Variants in SCAI observed in about 807,000 individuals in gnomAD.
The protein encoded by SCAI is protein SCAI.
Under a neutral mutation model 92.2 loss-of-function variants are expected in SCAI, and 24 were observed. That is an observed-to-expected ratio of 0.26 (90% CI 0.19 to 0.37). The LOEUF is 0.37. SCAI is among the 10% of genes least tolerant of loss of function. The pLI is 1.00. For synonymous variants in SCAI, 261 were observed against 258.6 expected, an observed-to-expected ratio of 1.01 and a Z score of -0.09; for missense variants, 450 against 736.2, an observed-to-expected ratio of 0.61 and a Z score of 4.50.
intron 2 of SCAI, among the ~76,000 whole-genome samples, chr9:125,095,325 C>A (rs1392383999): frequency 1.3e-5 from 2 of 152,220 alleles, no homozygotes; most frequent in African/African-American, 2.4e-5. Flanking sequence ...AGGAGTTGAA[C>A]AGAAGAGCAC....
intron 6 of SCAI, among the ~76,000 whole-genome samples, chr9:125,021,403 T>C (rs1370664945): frequency 6.6e-6 from 1 of 152,212 alleles, no homozygotes; most frequent in African/African-American, 2.4e-5. Flanking sequence ...GTTGTTCCTG[T>C]TGTGCTTTCT....
intron 2 of SCAI, among the ~76,000 whole-genome samples, chr9:125,092,985 C>T (rs1197518332): frequency 6.6e-6 from 1 of 152,202 alleles, no homozygotes; most frequent in Non-Finnish European, 1.5e-5. Flanking sequence ...AATTATCAGT[C>T]TTCATCTTAT....
intron 3 of SCAI, among the ~76,000 whole-genome samples, chr9:125,030,578 G>A (rs1321170214): frequency 1.3e-5 from 2 of 152,176 alleles, no homozygotes; most frequent in African/African-American, 2.4e-5. Flanking sequence ...ATAGGAGTAC[G>A]TTATTGCCAT....
chr9:124,991,141 T>C (rs1246315388), intron 14 of SCAI, among the ~76,000 whole-genome samples: 1 of 151,874 alleles, frequency 6.6e-6, no homozygotes, highest in Non-Finnish European at 1.5e-5. Flanking sequence ...TCACCTGAGG[T>C]TGGGAGTTCG....
At chr9:125,040,223 G>A (rs923044505) in intron 3 of SCAI, among the ~76,000 whole-genome samples, 4 of 152,112 alleles carry the variant, frequency 2.6e-5, no homozygotes, top group Admixed American at 6.5e-5. Context: ...CAAGTGTGGT[G>A]GCAGGTGCCT....
rs1244208972 is a variant in SCAI at position 124,971,482 on chromosome 9, AG to A, written c.1574-13del. The A allele has an allele frequency of 2.5e-6, 4 of 1,583,824 alleles. No homozygotes were observed. The African/African-American group carries it at 4.1e-5, about 16-fold the overall frequency. On this transcript the variant is annotated splice_polypyrimidine_tract_variant and intron_variant, in intron 16 of 17. Coordinates refer to ENST00000336505, the MANE Select transcript of SCAI (RefSeq NM_001144877.3). ...GAGAAATGCCTGATCTGCAAAGAGGAGAAAAGTGACAGTAAAAAGATGCTTA... is the reference window on the plus strand; with the variant it reads ...GAGAAATGCCTGATCTGCAAAGAGGAAAAAGTGACAGTAAAAAGATGCTTA...
intron 14 of SCAI, among the ~76,000 whole-genome samples, chr9:124,983,301 A>G (rs1831924403): frequency 6.6e-6 from 1 of 152,182 alleles, no homozygotes; most frequent in African/African-American, 2.4e-5. Flanking sequence ...ACAGTAAACA[A>G]AACAGAAAAA....
At chr9:125,001,395 T>A (rs1388440329) in intron 12 of SCAI, among the ~76,000 whole-genome samples, 2 of 152,258 alleles carry the variant, frequency 1.3e-5, no homozygotes, top group Non-Finnish European at 2.9e-5. Context: ...TGGACTGGTA[T>A]GTTCTGGACA....
chr9:125,058,557 G>A (rs149033748), intron 2 of SCAI, among the ~76,000 whole-genome samples: 29 of 152,244 alleles, frequency 1.9e-4, no homozygotes, highest in African/African-American at 6.0e-4. Flanking sequence ...ATGGATTTCT[G>A]AAGACATGGA....
Position 125,015,681 on chromosome 9 carries a change from T to C in SCAI, c.861+3118A>G, listed in dbSNP as rs558484642. ...TTGACCCAGCCATCCCATTACTGGG[T>C]ATATACCCAATGGACTATAAATCAT... On this transcript the variant is annotated intron_variant, in intron 9 of 17. Coordinates refer to ENST00000336505, the MANE Select transcript of SCAI (RefSeq NM_001144877.3). Among the ~76,000 whole-genome samples, 1,395 of 152,242 alleles carry C rather than the reference T, an allele frequency of 9.2e-3. 13 individuals are homozygous for C. Among genetic ancestry groups the C allele is most frequent in the East Asian group, 0.035 (180 of 5,174 alleles).
chr9:125,094,115 C>A (rs978867646), intron 2 of SCAI, among the ~76,000 whole-genome samples: 5 of 152,178 alleles, frequency 3.3e-5, no homozygotes, highest in Admixed American at 2.0e-4. Flanking sequence ...ACAAGATGAT[C>A]TTTTAAAATA....
intron 3 of SCAI, among the ~76,000 whole-genome samples, chr9:125,032,677 G>A (rs1588165177): frequency 1.3e-5 from 2 of 149,038 alleles, no homozygotes; most frequent in Admixed American, 6.7e-5. Flanking sequence ...GCAGTGGCGC[G>A]ACCTCAGCTC....
intron 2 of SCAI, among the ~76,000 whole-genome samples, chr9:125,098,038 C>CATATATATATATGTGTATATACACAT (rs201392867): frequency 6.6e-6 from 1 of 150,518 alleles, no homozygotes; most frequent in Non-Finnish European, 1.5e-5. Context: ...TATACACACA[C>CATATATATATATGTGTATATACACAT]ATATATATAT....
chr9:125,016,891 C>T (rs1232690921), intron 9 of SCAI, among the ~76,000 whole-genome samples: 1 of 152,128 alleles, frequency 6.6e-6, no homozygotes, highest in East Asian at 1.9e-4. Context: ...GACTTCTGTT[C>T]ACTGGAATCT....
At chr9:125,123,559 G>T (rs1164516914) in intron 2 of SCAI, among the ~76,000 whole-genome samples, 5 of 152,148 alleles carry the variant, frequency 3.3e-5, no homozygotes, top group African/African-American at 1.2e-4. Context: ...GGTGGATCAC[G>T]AGGTCAGGAG....
intron 3 of SCAI, among the ~76,000 whole-genome samples, chr9:125,031,252 C>T (rs1392236738): frequency 6.6e-6 from 1 of 151,360 alleles, no homozygotes; most frequent in Admixed American, 6.6e-5. Flanking sequence ...AAGATTTGTA[C>T]TATTGAGGTC....
chr9:125,128,659 A>G (rs962191483), intron 2 of SCAI, among the ~76,000 whole-genome samples: 3 of 152,024 alleles, frequency 2.0e-5, no homozygotes, highest in Non-Finnish European at 2.9e-5. Context: ...AGGCTGAGGC[A>G]GGAGAATAGC....
rs181996735 is a variant in SCAI, at chr9:124,943,438, T to C, written c.*9369A>G. 2.6e-5 allele frequency: 4 copies of C among 152,324 alleles called. No individual in the cohort carries two copies. Among genetic ancestry groups the C allele is most frequent in the Non-Finnish European group, 1.5e-5 (1 of 68,014 alleles). The allele number at this position is 152,324 out of a possible 1,614,324, so 9.4% of individuals were successfully genotyped here. A position where few individuals can be genotyped will look rare whatever the true frequency, so the allele number is the denominator to read the frequency against. On this transcript the variant is annotated 3_prime_UTR_variant, in exon 18 of 18. Transcript: ENST00000336505. ...TAGCTAAATAGGCAACCAAATAGCT[T>C]CATTATTTGCACGACAGATTAGCAG...
At chr9:125,138,254 T>C (rs797021537) in intron 2 of SCAI, among the ~76,000 whole-genome samples, 27 of 138,578 alleles carry the variant, frequency 1.9e-4, no homozygotes, top group African/African-American at 6.1e-4. Flanking sequence ...TATTTCTTTT[T>C]TTTTTTTTTT....
Sources: gnomAD v4.1 joint callset for allele counts (sites outside exome capture counted in the v4.1 genomes callset) on GRCh38, gnomAD v4.1.1 for gene constraint, MANE v1.5 for transcripts, NCBI Gene and HGNC (gene_info 2026-07-23, HGNC 2026-07-21) for gene names.